NRXN1: variants seen among roughly 807,000 people sequenced by gnomAD.
NRXN1 encodes the protein neurexin 1.
A neutral mutation model predicts 150.9 loss-of-function variants in NRXN1; 39 were observed. The ratio of observed to expected loss-of-function variants is 0.26; its 90% CI spans 0.20 to 0.34. The LOEUF (loss-of-function observed/expected upper bound fraction) is 0.34. Ranked by LOEUF, NRXN1 falls within the 10% of genes least tolerant of loss-of-function variation. The pLI is 1.00. For synonymous variants in NRXN1, 924 were observed against 757.0 expected (o/e 1.22, Z -3.62); for missense variants, 1,815 against 1,949.9 (o/e 0.93, Z 1.30).
intron 17 of NRXN1, among the ~76,000 whole-genome samples, chr2:50,415,656 C>T (rs1230081660): frequency 6.6e-6 from 1 of 152,030 alleles, no homozygotes; most frequent in Non-Finnish European, 1.5e-5. Flanking sequence ...TTTGTTTTAA[C>T]ATAAAATCAG....
At chr2:50,700,349 T>A (rs1370321335) in intron 5 of NRXN1, among the ~76,000 whole-genome samples, 1 of 152,184 alleles carries the variant, frequency 6.6e-6, no homozygotes, top group East Asian at 1.9e-4. Context: ...TTCTATGACA[T>A]CTGTATCAAC....
At chr2:50,681,199 G>T (rs763537967) in intron 5 of NRXN1, among the ~76,000 whole-genome samples, 3 of 152,180 alleles carry the variant, frequency 2.0e-5, no homozygotes, top group Non-Finnish European at 4.4e-5. Flanking sequence ...CACCTTAGGT[G>T]AATTAAACCA....
chr2:50,395,029 T>A (rs958551985), intron 17 of NRXN1, among the ~76,000 whole-genome samples: 4 of 152,072 alleles, frequency 2.6e-5, no homozygotes, highest in African/African-American at 7.2e-5. Flanking sequence ...CCTAATATAA[T>A]CTCCTATTAC....
chr2:50,495,345 CGTGTGT>C lies in NRXN1; in HGVS notation c.3070+554_3070+559del, dbSNP rs71404957. On this transcript the variant is annotated intron_variant, in intron 15 of 22. Coordinates refer to ENST00000401669, the MANE Select transcript of NRXN1 (RefSeq NM_001330078.2). ...TTAGCAGCTGGTGAAAGAAGCATTCCGTGTGTGTGTGTGTGTGTGTGTGTGTGTGTG... is the reference window on the plus strand; with the variant it reads ...TTAGCAGCTGGTGAAAGAAGCATTCCGTGTGTGTGTGTGTGTGTGTGTGTG... Among the ~76,000 whole-genome samples, 378 of 76,122 alleles carry C rather than the reference CGTGTGT, an allele frequency of 5.0e-3. 3 individuals are homozygous for C. Among genetic ancestry groups the C allele is most frequent in the Non-Finnish European group, 7.8e-3 (291 of 37,514 alleles). 49.9% of individuals were successfully genotyped at this position (76,122 alleles called of 152,430 possible).
At chr2:50,588,123 G>C (rs1229560296) in intron 8 of NRXN1, among the ~76,000 whole-genome samples, 1 of 152,114 alleles carries the variant, frequency 6.6e-6, no homozygotes, top group Non-Finnish European at 1.5e-5. Context: ...CATAAATCCA[G>C]TTTTGCTGAT....
intron 5 of NRXN1, among the ~76,000 whole-genome samples, chr2:50,759,734 A>G (rs1701574679): frequency 6.6e-6 from 1 of 151,832 alleles, no homozygotes; most frequent in African/African-American, 2.4e-5. Flanking sequence ...CATTTTATGG[A>G]TAGCAGTGGT....
chr2:49,931,371 G>C (rs771848655), intron 22 of NRXN1, among the ~76,000 whole-genome samples: 5 of 151,992 alleles, frequency 3.3e-5, no homozygotes, highest in Admixed American at 6.5e-5. Context: ...TATGCTTCAA[G>C]GTAATATGTC....
chr2:50,381,020 C>T (rs1245591713), intron 17 of NRXN1, among the ~76,000 whole-genome samples: 1 of 152,084 alleles, frequency 6.6e-6, no homozygotes, highest in Admixed American at 6.6e-5. Context: ...TTATTTGTCT[C>T]TATTTAACCC....
At chr2:50,295,005 T>C (rs532999201) in intron 17 of NRXN1, among the ~76,000 whole-genome samples, 1 of 152,202 alleles carries the variant, frequency 6.6e-6, no homozygotes, top group Non-Finnish European at 1.5e-5. Context: ...AAGAATTTGA[T>C]TTGGGCAAAC....
At chr2:50,245,366 C>T (rs2066401652) in intron 17 of NRXN1, among the ~76,000 whole-genome samples, 2 of 151,844 alleles carry the variant, frequency 1.3e-5, no homozygotes, top group Admixed American at 6.6e-5. Flanking sequence ...AAAGTAATCC[C>T]ACAACCAATA....
At chr2:50,700,326 T>C (rs1693551180) in intron 5 of NRXN1, among the ~76,000 whole-genome samples, 1 of 152,196 alleles carries the variant, frequency 6.6e-6, no homozygotes, top group Non-Finnish European at 1.5e-5. Flanking sequence ...GGAGCACAAC[T>C]CTTCCATTTA....
rs113621240 is a variant in NRXN1, at chr2:50,122,775, G to T, written c.3547-31281C>A. ...ATTCTTGCTATACTTTTTTCCAAATGCTCCAAATACACAATAAATTATCAA... is the reference window on the plus strand; with the variant it reads ...ATTCTTGCTATACTTTTTTCCAAATTCTCCAAATACACAATAAATTATCAA... On this transcript the variant is annotated intron_variant, in intron 18 of 22. Transcript: ENST00000401669. Among the ~76,000 whole-genome samples, 648 of 152,240 alleles carry T rather than the reference G, an allele frequency of 4.3e-3. 4 individuals carry two copies. The highest frequency in any genetic ancestry group is 4.1e-3 in the Non-Finnish European group (279 of 68,014).
intron 8 of NRXN1, among the ~76,000 whole-genome samples, chr2:50,612,472 A>C (rs1252256603): frequency 6.6e-6 from 1 of 152,122 alleles, no homozygotes; most frequent in Non-Finnish European, 1.5e-5. Context: ...GTTTTTGCAA[A>C]GTTGTTGTTT....
intron 17 of NRXN1, among the ~76,000 whole-genome samples, chr2:50,271,697 C>A (rs1047991354): frequency 1.3e-5 from 2 of 152,106 alleles, no homozygotes; most frequent in East Asian, 1.9e-4. Flanking sequence ...ATTCATAAAT[C>A]TTGTACTTAT....
intron 5 of NRXN1, among the ~76,000 whole-genome samples, chr2:50,768,750 C>A (rs903765886): frequency 3.3e-5 from 5 of 151,932 alleles, no homozygotes; most frequent in Non-Finnish European, 5.9e-5. Context: ...CCGAAAATCA[C>A]CACGAAGTTC....
chr2:50,588,112 C>T (rs2103757901), intron 8 of NRXN1, among the ~76,000 whole-genome samples: 1 of 152,200 alleles, frequency 6.6e-6, no homozygotes, highest in South Asian at 2.1e-4. Flanking sequence ...TACATCCAGG[C>T]CATAAATCCA....
rs146251657 is a variant in NRXN1 at position 50,891,860 on chromosome 2, C to T, written c.832+30009G>A. Among the ~76,000 whole-genome samples, 7 of 152,134 alleles carry T rather than the reference C, an allele frequency of 4.6e-5. No individual in the cohort carries two copies. The East Asian group carries it at 1.4e-3, about 30-fold the overall frequency. ...CAACATATTCACTTGTTTCTTCATT[C>T]ATCACCCATCCATTCATTAATTCAC... On this transcript the variant is annotated intron_variant, in intron 5 of 22. Transcript: ENST00000401669.
At chr2:49,928,700 G>A (rs1454532355) in intron 22 of NRXN1, among the ~76,000 whole-genome samples, 1 of 152,072 alleles carries the variant, frequency 6.6e-6, no homozygotes, top group East Asian at 1.9e-4. Flanking sequence ...AAACAATTAT[G>A]ATGCAATCAT....
At chr2:50,662,054 G>A (rs1015645489) in intron 5 of NRXN1, among the ~76,000 whole-genome samples, 3 of 152,034 alleles carry the variant, frequency 2.0e-5, no homozygotes, top group Non-Finnish European at 2.9e-5. Context: ...TATTTTTCAA[G>A]AGTCTGAGGG....
Sources: gnomAD v4.1 joint callset for allele counts (sites outside exome capture counted in the v4.1 genomes callset) on GRCh38, gnomAD v4.1.1 for gene constraint, MANE v1.5 for transcripts, NCBI Gene and HGNC (gene_info 2026-07-23, HGNC 2026-07-21) for gene names.